The following MROH9 variants were observed in gnomAD, a reference collection of about 807,000 sequenced individuals.
The protein encoded by MROH9 is maestro heat-like repeat-containing protein family member 9.
In MROH9, 92 loss-of-function variants were observed where a neutral mutation model predicts 98.2. The observed-to-expected ratio is 0.94, with a 90% CI of 0.79 to 1.11. The LOEUF is 1.11. MROH9 is among the 50% of genes most tolerant of loss of function. The pLI, the probability that MROH9 is intolerant of heterozygous loss-of-function variation, is 0.00. For synonymous variants in MROH9, 397 were observed against 368.9 expected (o/e 1.08, Z -0.87); for missense variants, 1,057 against 1,014.8 (o/e 1.04, Z -0.57).
At chr1:171,009,186 C>T (rs1270936004) in intron 15 of MROH9, among the ~76,000 whole-genome samples, 1 of 151,776 alleles carries the variant, frequency 6.6e-6, no homozygotes, top group Non-Finnish European at 1.5e-5. Context: ...CAAAGTACCC[C>T]TCTTGTGTAG....
At chr1:170,974,968 G>T (rs987306657) in intron 8 of MROH9, among the ~76,000 whole-genome samples, 2 of 151,752 alleles carry the variant, frequency 1.3e-5, no homozygotes, top group South Asian at 2.1e-4. Flanking sequence ...AAACCCTAAA[G>T]CCACCATTAA....
intron 17 of MROH9, among the ~76,000 whole-genome samples, chr1:171,021,552 C>A (rs1652519863): frequency 6.6e-6 from 1 of 152,048 alleles, no homozygotes; most frequent in South Asian, 2.1e-4. Context: ...AACTGGCTAG[C>A]CACATGCAGA....
intron 6 of MROH9, among the ~76,000 whole-genome samples, chr1:170,964,078 G>C (rs1650133813): frequency 6.6e-6 from 1 of 151,894 alleles, no homozygotes; most frequent in Admixed American, 6.6e-5. Context: ...GTTAAGCATT[G>C]ACTCCATGTC....
At chr1:170,978,944 T>A (rs1650821706) in intron 8 of MROH9, among the ~76,000 whole-genome samples, 1 of 152,154 alleles carries the variant, frequency 6.6e-6, no homozygotes, top group African/African-American at 2.4e-5. Flanking sequence ...CCCAGGGAGT[T>A]GCAGAGATGC....
chr1:171,020,571 T>C (rs188333606), intron 17 of MROH9, among the ~76,000 whole-genome samples: 1 of 151,852 alleles, frequency 6.6e-6, no homozygotes, highest in Non-Finnish European at 1.5e-5. Context: ...CATTCCTTCA[T>C]GTTAAAAACT....
intron 5 of MROH9, among the ~76,000 whole-genome samples, chr1:170,961,139 A>T (rs1650002779): frequency 2.0e-5 from 3 of 152,368 alleles, no homozygotes; most frequent in Admixed American, 1.3e-4. Context: ...ATATTCACAA[A>T]TTATTCCTTT....
chr1:171,061,403 T>C (rs555200023), intron 20 of MROH9, among the ~76,000 whole-genome samples: 2 of 152,298 alleles, frequency 1.3e-5, no homozygotes, highest in South Asian at 4.1e-4. Flanking sequence ...AAAATTCATG[T>C]ACAAGAATTC....
At chr1:170,988,849 C>T (rs1465788576) in intron 10 of MROH9, among the ~76,000 whole-genome samples, 1 of 152,030 alleles carries the variant, frequency 6.6e-6, no homozygotes, top group East Asian at 1.9e-4. Context: ...TAATTAAGCA[C>T]CCAGTGACAT....
chr1:171,000,637 T>C (rs1651753414), intron 15 of MROH9, among the ~76,000 whole-genome samples: 1 of 152,172 alleles, frequency 6.6e-6, no homozygotes, highest in Admixed American at 6.6e-5. Flanking sequence ...TGAATTCATT[T>C]AGCTAGTATT....
At chr1:171,034,850 C>A (rs1031677476) in intron 20 of MROH9, among the ~76,000 whole-genome samples, 1 of 152,116 alleles carries the variant, frequency 6.6e-6, no homozygotes, top group Non-Finnish European at 1.5e-5. Flanking sequence ...CAAGGAAAGA[C>A]AAACAGACCT....
chr1:170,965,299 C>T (rs772001982), intron 7 of MROH9, 44 bp downstream of exon 7: 9 of 1,300,476 alleles, frequency 6.9e-6, no homozygotes, highest in Admixed American at 6.8e-5. Context: ...CTGAAGACTG[C>T]ATTTCCATAG....
intron 7 of MROH9, among the ~76,000 whole-genome samples, chr1:170,968,817 G>T (rs1277795013): frequency 1.3e-5 from 2 of 152,080 alleles, no homozygotes; most frequent in Non-Finnish European, 2.9e-5. Context: ...AGATGCGAAA[G>T]ACATAGGTAC....
intron 8 of MROH9, among the ~76,000 whole-genome samples, chr1:170,976,311 C>T (rs1571467612): frequency 6.6e-6 from 1 of 152,164 alleles, no homozygotes. Context: ...ATTTAGTGCC[C>T]TTTTCAGGAG....
intron 9 of MROH9, 90 bp from the exon 10 acceptor site, chr1:170,986,471 C>T: frequency 2.1e-6 from 3 of 1,408,164 alleles, no homozygotes; most frequent in South Asian, 1.4e-5. Context: ...CCCTGCTTGG[C>T]TCTTGAGCAT....
intron 20 of MROH9, among the ~76,000 whole-genome samples, chr1:171,061,036 TAACTC>T (rs1420144896): frequency 6.6e-6 from 1 of 152,152 alleles, no homozygotes; most frequent in Non-Finnish European, 1.5e-5. Context: ...AAGAAAAAGA[TAACTC>T]AATATATACA....
chr1:170,947,492 A>C (rs748161393), intron 2 of MROH9, 35 bp from the exon 3 acceptor site: 13 of 1,592,306 alleles, frequency 8.2e-6, no homozygotes, highest in Non-Finnish European at 1.1e-5. Context: ...GTCTATGTTC[A>C]TTCCTTTTTA....
At chr1:171,044,481 T>C (rs2101861806) in intron 20 of MROH9, among the ~76,000 whole-genome samples, 1 of 152,310 alleles carries the variant, frequency 6.6e-6, no homozygotes, top group African/African-American at 2.4e-5. Flanking sequence ...CCTCACAGAA[T>C]GATATTGGAA....
intron 1 of MROH9, 136 bp from the exon 2 acceptor site, chr1:170,945,384 G>A: frequency 1.6e-6 from 1 of 608,210 alleles, no homozygotes; most frequent in Non-Finnish European, 2.9e-6. Context: ...TTAAATTTGT[G>A]ATAAATTGAT....
chr1:170,973,439 C>G (rs1040716918), intron 8 of MROH9, among the ~76,000 whole-genome samples: 1 of 151,972 alleles, frequency 6.6e-6, no homozygotes, highest in Non-Finnish European at 1.5e-5. Flanking sequence ...TTAAAAAGGC[C>G]TTAAAACAAG....
Sources: allele counts gnomAD v4.1 joint callset (sites outside exome capture counted in the v4.1 genomes callset), GRCh38; gene constraint gnomAD v4.1.1; transcripts MANE v1.5; gene names NCBI Gene and HGNC (gene_info 2026-07-23, HGNC 2026-07-21).